Variants in KIF3A observed in about 807,000 individuals in gnomAD.
The protein encoded by KIF3A is kinesin-like protein KIF3A.
A neutral mutation model predicts 92.6 loss-of-function variants in KIF3A; 27 were observed. The ratio of observed to expected loss-of-function variants is 0.29; its 90% confidence interval spans 0.21 to 0.40. The LOEUF (loss-of-function observed/expected upper bound fraction) is 0.40. KIF3A is among the 10% of genes least tolerant of loss of function. The probability of loss-of-function intolerance (pLI) is 1.00; values close to 1 mark genes in which losing one functional copy is unlikely to be tolerated. For missense variants in KIF3A, 581 were observed against 872.6 expected (o/e 0.67, Z 4.21); for synonymous variants, 250 against 275.4 (o/e 0.91, Z 0.92).
intron 18 of KIF3A, chr5:132,697,447 T>C (rs1481704541): frequency 4.0e-5 from 6 of 150,598 alleles, no homozygotes; most frequent in African/African-American, 7.4e-5. Context: ...TTAGGGTCCA[T>C]ATAGTTAAAA....
chr5:132,708,571 T>C (rs1248772175), intron 10 of KIF3A, among the ~76,000 whole-genome samples: 3 of 152,344 alleles, frequency 2.0e-5, no homozygotes, highest in Non-Finnish European at 1.5e-5. Context: ...TCCCTTATTC[T>C]GAGCAGGATT....
chr5:132,708,828 G>A, intron 10 of KIF3A, 79 bp downstream of exon 10: 2 of 899,750 alleles, frequency 2.2e-6, no homozygotes, highest in Non-Finnish European at 3.6e-6. Context: ...ACAGGGAGTG[G>A]TGCAGCATTG....
At chr5:132,704,085 G>C (rs1753133378) in intron 11 of KIF3A, among the ~76,000 whole-genome samples, 1 of 151,736 alleles carries the variant, frequency 6.6e-6, no homozygotes, top group Admixed American at 6.6e-5. Context: ...TCATATATAG[G>C]TATAAAATGC....
chr5:132,710,360 T>C (rs1753372897), intron 9 of KIF3A, among the ~76,000 whole-genome samples: 1 of 152,214 alleles, frequency 6.6e-6, no homozygotes, highest in African/African-American at 2.4e-5. Context: ...CTCACGCCTG[T>C]AGTCCCAGCA....
In KIF3A at chr5:132,712,679, G is replaced by A. The variant is rs564694069; in HGVS notation, c.1130-1622C>T. Among the ~76,000 whole-genome samples, 4 of 152,244 alleles carry A rather than the reference G, an allele frequency of 2.6e-5. No homozygotes were observed. The East Asian group carries it at 5.8e-4, about 22-fold the overall frequency. On this transcript the variant is annotated intron_variant, in intron 8 of 18. Transcript: ENST00000403231. ...CCCCCACAAGATACATGTTAATTACGAATGGAAACATAAAACAATAGATTT... is the reference window on the plus strand; with the variant it reads ...CCCCCACAAGATACATGTTAATTACAAATGGAAACATAAAACAATAGATTT...
intron 1 of KIF3A, among the ~76,000 whole-genome samples, chr5:132,735,517 AGTCATT>A (rs1754362281): frequency 6.6e-6 from 1 of 152,220 alleles, no homozygotes; most frequent in African/African-American, 2.4e-5. Context: ...AACAAATATG[AGTCATT>A]GTCATTGACT....
At chr5:132,689,289 C>G (rs1752609151), downstream of KIF3A, among the ~76,000 whole-genome samples, 1 of 152,196 alleles carries the variant, frequency 6.6e-6, no homozygotes, top group Non-Finnish European at 1.5e-5. Context: ...GTGTTAACTC[C>G]TTCTGTAAAG....
At chr5:132,730,367 G>T (rs1421392470) in intron 2 of KIF3A, among the ~76,000 whole-genome samples, 1 of 151,992 alleles carries the variant, frequency 6.6e-6, no homozygotes, top group Non-Finnish European at 1.5e-5. Flanking sequence ...CCAGGTGGCT[G>T]AGGCGAGAGA....
At chr5:132,736,828 T>C (rs1754404040) in intron 1 of KIF3A, 1 of 434,184 alleles carries the variant, frequency 2.3e-6, no homozygotes, top group Admixed American at 3.2e-5. Flanking sequence ...AAGGCCCCAT[T>C]ATTAAGTTCA....
chr5:132,730,699 G>A (rs1189689667), intron 2 of KIF3A, among the ~76,000 whole-genome samples: 2 of 152,082 alleles, frequency 1.3e-5, no homozygotes, highest in Admixed American at 6.5e-5. Flanking sequence ...GGGGGCTGAA[G>A]TGGGAGGATC....
chr5:132,727,359 T>C (rs1286694854), intron 2 of KIF3A, among the ~76,000 whole-genome samples: 1 of 152,020 alleles, frequency 6.6e-6, no homozygotes. Context: ...AAACAGGGAG[T>C]TCTAGATGGG....
chr5:132,690,095 A>C (rs907797444), downstream of KIF3A, among the ~76,000 whole-genome samples: 1 of 152,206 alleles, frequency 6.6e-6, no homozygotes, highest in African/African-American at 2.4e-5. Flanking sequence ...TTGCGTCTGT[A>C]GTACCAGCTA....
At chr5:132,734,938 T>C (rs1754342004) in intron 1 of KIF3A, among the ~76,000 whole-genome samples, 1 of 152,190 alleles carries the variant, frequency 6.6e-6, no homozygotes, top group African/African-American at 2.4e-5. Context: ...ATGTAATATA[T>C]CCATATATGG....
intron 9 of KIF3A, 67 bp from the exon 10 acceptor site, chr5:132,709,045 A>G (rs1753324509): frequency 5.7e-6 from 7 of 1,225,344 alleles, no homozygotes; most frequent in South Asian, 4.0e-5. Flanking sequence ...GAACACACAC[A>G]CAGAGAAAAA....
chr5:132,690,263 C>T (rs973403143), downstream of KIF3A, among the ~76,000 whole-genome samples: 2 of 152,056 alleles, frequency 1.3e-5, no homozygotes, highest in East Asian at 1.9e-4. Flanking sequence ...TGAGGGCATG[C>T]ACCTGTAGTC....
At chr5:132,710,788 C>T (rs1022622169) in intron 9 of KIF3A, among the ~76,000 whole-genome samples, 171 bp downstream of exon 9, 7 of 152,104 alleles carry the variant, frequency 4.6e-5, no homozygotes, top group African/African-American at 1.2e-4. Flanking sequence ...CAGCTATAAA[C>T]GGATCAATAC....
At chr5:132,721,149 A>G (rs1753810370) in intron 4 of KIF3A, among the ~76,000 whole-genome samples, 1 of 152,212 alleles carries the variant, frequency 6.6e-6, no homozygotes, top group South Asian at 2.1e-4. Flanking sequence ...AGAGAGCAGG[A>G]AACAGGGAAA....
rs1753319655 is a variant in KIF3A, at chr5:132,708,934, C to G, written c.1273G>C (p.Glu425Gln). 1 of 1,550,172 alleles carries G rather than the reference C, an allele frequency of 6.5e-7. No individual in the cohort carries two copies. Among genetic ancestry groups the G allele is most frequent in the Admixed American group, 2.0e-5 (1 of 50,988 alleles). Residue 425 changes from glutamate to glutamine, a missense_variant, in exon 10 of 19, where the codon GAG (glutamate) becomes CAG (glutamine). This residue lies in a region of KIF3A where 167 missense variants were observed against 205.8 expected (regional missense o/e 0.81). Coordinates refer to ENST00000403231, the MANE Select transcript of KIF3A (RefSeq NM_001300791.2). ...SSSDSTCSVI[E>Q]KPLDKFLPNQ... ...GGCAAGAACTTATCCAGAGGTTTCT[C>G]TATGACAGAACATGTGGAGTCTGAA... is the stretch of plus-strand genomic sequence containing the variant.
intron 9 of KIF3A, among the ~76,000 whole-genome samples, chr5:132,709,969 C>T (rs2149900931): frequency 6.6e-6 from 1 of 152,174 alleles, no homozygotes; most frequent in African/African-American, 2.4e-5. Context: ...ATTTTTAGCA[C>T]AATCATTTTA....
Sources: allele counts gnomAD v4.1 joint callset (sites outside exome capture counted in the v4.1 genomes callset), GRCh38; gene constraint gnomAD v4.1.1; regional missense constraint gnomAD v4.1.1; transcripts MANE v1.5; gene names NCBI Gene and HGNC (gene_info 2026-07-23, HGNC 2026-07-21).